Variants in RANBP2 observed in about 807,000 individuals in gnomAD.
RANBP2 encodes RAN binding protein 2.
A neutral mutation model predicts 303.6 loss-of-function variants in RANBP2; 57 were observed. That is an observed-to-expected ratio of 0.19 (90% CI 0.15 to 0.23). The LOEUF is 0.23. Among genes scored for constraint, RANBP2 ranks in the 10% least tolerant of loss-of-function variants. The pLI, the probability that RANBP2 is intolerant of heterozygous loss-of-function variation, is 1.00. For missense variants in RANBP2, 3,138 were observed against 3,780.8 expected (o/e 0.83, Z 4.46); for synonymous variants, 1,167 against 1,301.5 (o/e 0.90, Z 2.23).
the RANBP2 span, among the ~76,000 whole-genome samples, chr2:108,835,261 A>T: frequency 6.3e-4 from 96 of 152,246 alleles, 1 homozygote; most frequent in Non-Finnish European, 1.3e-4. Context: ...CTAGTAAGAA[A>T]AATGAACAAT....
the RANBP2 span, among the ~76,000 whole-genome samples, chr2:108,936,834 A>G: frequency 6.6e-6 from 1 of 152,224 alleles, no homozygotes; most frequent in Admixed American, 6.5e-5. Context: ...CCGGAGCAGG[A>G]GGAAAGCAGA....
the RANBP2 span, among the ~76,000 whole-genome samples, chr2:109,315,232 A>G: frequency 2.6e-5 from 4 of 152,194 alleles, no homozygotes; most frequent in Admixed American, 6.5e-5. Flanking sequence ...GGAGAGGGCT[A>G]TAGTCTCTCC....
the RANBP2 span, chr2:109,129,055 A>G: frequency 1.8e-5 from 7 of 392,860 alleles, no homozygotes; most frequent in Non-Finnish European, 3.5e-5. Context: ...CGAGCAGGCC[A>G]GGGGCGCATG....
the RANBP2 span, among the ~76,000 whole-genome samples, chr2:109,432,944 A>G: frequency 6.6e-6 from 1 of 152,242 alleles, no homozygotes; most frequent in African/African-American, 2.4e-5. Context: ...AAGTCACCAG[A>G]ATGAGGTCTC....
At chr2:109,078,197 CGTATATATATAGCGT>C in the RANBP2 span, among the ~76,000 whole-genome samples, 1 of 34,024 alleles carries the variant, frequency 2.9e-5, no homozygotes, top group Non-Finnish European at 5.7e-5. Flanking sequence ...ATATATATAG[CGTATATATATAGCGT>C]ATATATATAT....
chr2:109,443,378 C>A, the RANBP2 span, among the ~76,000 whole-genome samples: 1 of 152,228 alleles, frequency 6.6e-6, no homozygotes, highest in East Asian at 1.9e-4. Flanking sequence ...CTCTGTGTGA[C>A]GCTGAAACAA....
At chr2:109,075,899 C>A in the RANBP2 span, among the ~76,000 whole-genome samples, 7 of 150,608 alleles carry the variant, frequency 4.6e-5, no homozygotes, top group African/African-American at 1.7e-4. Context: ...TTCTTAAACT[C>A]TTCTAAAAAT....
At chr2:109,174,011 C>T in the RANBP2 span, among the ~76,000 whole-genome samples, 4 of 152,242 alleles carry the variant, frequency 2.6e-5, no homozygotes, top group South Asian at 2.1e-4. Context: ...GCACTGGGCT[C>T]AGTCCTTGAT....
chr2:109,430,886 A>G, the RANBP2 span, among the ~76,000 whole-genome samples: 12 of 152,216 alleles, frequency 7.9e-5, no homozygotes, highest in Non-Finnish European at 1.3e-4. Flanking sequence ...GTTGGAGCCC[A>G]CAGCATGTCC....
At chr2:109,038,129 C>T in the RANBP2 span, among the ~76,000 whole-genome samples, 3 of 152,124 alleles carry the variant, frequency 2.0e-5, no homozygotes, top group Non-Finnish European at 4.4e-5. Flanking sequence ...CAGAAACAGA[C>T]CCACACAAAC....
the RANBP2 span, among the ~76,000 whole-genome samples, chr2:109,466,861 A>C: frequency 6.6e-6 from 1 of 151,884 alleles, no homozygotes; most frequent in African/African-American, 2.4e-5. Flanking sequence ...ATACATGTGC[A>C]TGTGTGTATA....
At chr2:109,389,443 G>A in the RANBP2 span, among the ~76,000 whole-genome samples, 1 of 152,228 alleles carries the variant, frequency 6.6e-6, no homozygotes, top group Non-Finnish European at 1.5e-5. Context: ...ATGAGTGTGT[G>A]AGCCTAGAGA....
the RANBP2 span, among the ~76,000 whole-genome samples, chr2:109,121,202 G>C: frequency 6.6e-6 from 1 of 151,978 alleles, no homozygotes; most frequent in Admixed American, 6.6e-5. Context: ...AGCTGAGATC[G>C]CACCACTGCA....
chr2:109,482,292 T>A, the RANBP2 span, among the ~76,000 whole-genome samples: 8 of 152,294 alleles, frequency 5.3e-5, no homozygotes, highest in Middle Eastern at 3.4e-3. Context: ...GTAATAATTA[T>A]CATTATATTT....
At chr2:109,107,826 C>T in the RANBP2 span, among the ~76,000 whole-genome samples, 3 of 152,206 alleles carry the variant, frequency 2.0e-5, no homozygotes, top group African/African-American at 7.2e-5. Context: ...ACCTCCATCT[C>T]CCGGGTTCCA....
intron 1 of RANBP2, among the ~76,000 whole-genome samples, chr2:108,723,881 G>A (rs1272501823): frequency 6.9e-6 from 1 of 145,574 alleles, no homozygotes; most frequent in Non-Finnish European, 1.5e-5. Flanking sequence ...CCCATCAATT[G>A]CAGCTTAAAA....
chr2:109,624,118 G>C, the RANBP2 span, among the ~76,000 whole-genome samples: 1 of 152,188 alleles, frequency 6.6e-6, no homozygotes, highest in Non-Finnish European at 1.5e-5. Flanking sequence ...CTGAGGCTAA[G>C]ACAAAAACAA....
the RANBP2 span, among the ~76,000 whole-genome samples, chr2:109,638,962 A>G: frequency 6.6e-6 from 1 of 152,174 alleles, no homozygotes; most frequent in African/African-American, 2.4e-5. Flanking sequence ...CTTGCTCCAA[A>G]ACAAAGCCTG....
the RANBP2 span, chr2:109,129,559 TGGCTG>T: frequency 6.7e-7 from 1 of 1,491,142 alleles, no homozygotes; most frequent in South Asian, 1.3e-5. Flanking sequence ...CGGAGCGTCC[TGGCTG>T]TGCGCATCCA....
Sources: allele counts gnomAD v4.1 joint callset (sites outside exome capture counted in the v4.1 genomes callset), GRCh38; gene constraint gnomAD v4.1.1; transcripts MANE v1.5; gene names NCBI Gene and HGNC (gene_info 2026-07-23, HGNC 2026-07-21).